The following GAD1 variants were observed in gnomAD, a reference collection of about 807,000 sequenced individuals.
GAD1 encodes glutamate decarboxylase 1.
A neutral mutation model predicts 75.2 loss-of-function variants in GAD1; 35 were observed. That is an observed-to-expected ratio of 0.47 (90% CI 0.36 to 0.62). The LOEUF (loss-of-function observed/expected upper bound fraction) is 0.62, where lower values mean the gene tolerates loss of function less well. Ranked by LOEUF, GAD1 falls within the 20% of genes least tolerant of loss-of-function variation. The probability of loss-of-function intolerance (pLI) is 0.00; values close to 1 mark genes in which losing one functional copy is unlikely to be tolerated. For missense variants in GAD1, 490 were observed against 758.5 expected, an observed-to-expected ratio of 0.65 and a Z score of 4.16; for synonymous variants, 257 against 271.9, an observed-to-expected ratio of 0.95 and a Z score of 0.54.
In GAD1 at chr2:170,818,458, C is replaced by T; in HGVS notation, c.-63-71C>T. On this transcript the variant is annotated intron_variant, in intron 1 of 16. Coordinates refer to ENST00000358196, the MANE Select transcript of GAD1 (RefSeq NM_000817.3). The surrounding 1 kb of genome is among the most constrained non-coding windows in gnomAD (Gnocchi z 5.9). The stretch of plus-strand genomic sequence containing the variant: ...TCTTCAAGGGGAGCCTCCGTGCCCC[C>T]GGCTGCTCAGTCCCTCCGGTGTGCA... 3 of 823,424 alleles carry T rather than the reference C, an allele frequency of 3.6e-6. No individual in the cohort carries two copies. Among genetic ancestry groups the T allele is most frequent in the East Asian group, 4.9e-5 (2 of 40,686 alleles). The allele number at this position is 823,424 out of a possible 1,614,324, so 51.0% of individuals were successfully genotyped here. A position where few individuals can be genotyped will look rare whatever the true frequency, so the allele number is the denominator to read the frequency against.
intron 3 of GAD1, among the ~76,000 whole-genome samples, chr2:170,824,602 C>G (rs1304668067): frequency 1.3e-5 from 2 of 152,076 alleles, no homozygotes; most frequent in Admixed American, 1.3e-4. Flanking sequence ...AATTCAACCC[C>G]CACCCACTCT....
chr2:170,847,771 T>A lies in GAD1; in HGVS notation c.1098T>A (p.Tyr366Ter), dbSNP rs559356309. 1 of 1,613,174 alleles carries A rather than the reference T, an allele frequency of 6.2e-7. No homozygotes were observed. The highest frequency in any genetic ancestry group is 2.2e-5 in the East Asian group (1 of 44,880). Residue 366 changes from tyrosine (Y) to a stop codon, truncating the protein, a stop_gained, in exon 11 of 17, where the codon TAT (tyrosine) becomes TAA (stop). Transcript: ENST00000358196. LOFTEE classifies it high-confidence loss of function. ...AGATTGCAGATATATGTGAGAAATA[T>A]AACCTTTGGTTGCATGTCGATGTAA... ...IQEIADICEK[Y>*]NLWLHVDAAW...
intron 11 of GAD1, 175 bp from the exon 12 acceptor site, chr2:170,849,111 A>G: frequency 1.5e-6 from 1 of 684,704 alleles, no homozygotes; most frequent in South Asian, 1.6e-5. Flanking sequence ...AGAAATGACA[A>G]GCAATGAAGA....
rs537839451 is a variant in GAD1 at position 170,823,900 on chromosome 2, C to T, written c.145+1751C>T. Among the ~76,000 whole-genome samples the T allele has an allele frequency of 3.3e-5, 5 of 152,334 alleles. No homozygotes were observed. The South Asian group carries it at 6.2e-4, about 19-fold the overall frequency. On this transcript the variant is annotated intron_variant, in intron 3 of 16. Transcript: ENST00000358196. ...CCCTCATTCACCCCCATCCTGCCCC[C>T]TGCTGTCCCCTGCTCCTCTGGCTGC...
intron 11 of GAD1, chr2:170,848,709 T>C (rs771122756): frequency 2.7e-5 from 14 of 518,434 alleles, no homozygotes; most frequent in South Asian, 9.8e-5. Context: ...AATTGGCCAA[T>C]AGGATCATCT....
chr2:170,854,258 CTCTTA>C (rs1469405073), intron 14 of GAD1, among the ~76,000 whole-genome samples: 1 of 152,080 alleles, frequency 6.6e-6, no homozygotes, highest in Non-Finnish European at 1.5e-5. Flanking sequence ...TTATAACGTT[CTCTTA>C]TAACAACTAA....
chr2:170,833,169 G>A (rs1364776445), intron 5 of GAD1, among the ~76,000 whole-genome samples: 1 of 152,200 alleles, frequency 6.6e-6, no homozygotes, highest in Non-Finnish European at 1.5e-5. Flanking sequence ...TTAAGACTGA[G>A]ACTAGGAGGC....
chr2:170,824,813 G>A (rs531371851), intron 3 of GAD1, among the ~76,000 whole-genome samples: 1 of 152,244 alleles, frequency 6.6e-6, no homozygotes, highest in African/African-American at 2.4e-5. Flanking sequence ...ATGAGTTGCA[G>A]GGATCCCTAA....
intron 5 of GAD1, among the ~76,000 whole-genome samples, chr2:170,832,651 TGCGCGCGC>T (rs764884035): frequency 2.2e-5 from 3 of 136,840 alleles, no homozygotes; most frequent in African/African-American, 8.0e-5. Flanking sequence ...CAGGCACACA[TGCGCGCGC>T]GCGCGCACAC....
intron 10 of GAD1, among the ~76,000 whole-genome samples, chr2:170,847,128 C>G (rs897884307): frequency 2.0e-5 from 3 of 152,194 alleles, no homozygotes; most frequent in African/African-American, 7.2e-5. Flanking sequence ...GTGAGTGTAT[C>G]AGCTTTCACA....
In GAD1 at chr2:170,831,126, C is replaced by A; in HGVS notation, c.481C>A (p.His161Asn). Reference sequence around the variant, plus strand: ...GGGCTTCAACTTGGAGCTCTCTGACCACCCCGAGTCCCTGGAGCAGATCCT... The same window carrying A: ...GGGCTTCAACTTGGAGCTCTCTGACAACCCCGAGTCCCTGGAGCAGATCCT... ...MEGFNLELSD[H>N]PESLEQILVD... The change falls in exon 5 of 17, where the codon CAC (histidine) becomes AAC (asparagine). Residue 161 changes from histidine to asparagine, a missense_variant. Physicochemically the swap from His to Asn is moderately conservative, Grantham distance 68 (BLOSUM62 1). Coordinates refer to ENST00000358196, the MANE Select transcript of GAD1 (RefSeq NM_000817.3). 6.2e-7 allele frequency: 1 copy of A among 1,614,158 alleles called. No individual in the cohort carries two copies. Among genetic ancestry groups the A allele is most frequent in the Non-Finnish European group, 8.5e-7 (1 of 1,180,028 alleles).
chr2:170,852,557 G>A, intron 12 of GAD1, 157 bp from the exon 13 acceptor site: 1 of 696,176 alleles, frequency 1.4e-6, no homozygotes, highest in Non-Finnish European at 2.6e-6. Flanking sequence ...CTCCGAGACT[G>A]CCTGCAAAAC....
intron 14 of GAD1, 111 bp from the exon 15 acceptor site, chr2:170,856,907 C>T (rs1702865004): frequency 3.5e-6 from 3 of 851,696 alleles, no homozygotes; most frequent in Non-Finnish European, 6.1e-6. Flanking sequence ...TCCTAACCAG[C>T]TCCAAAAATA....
At chr2:170,831,263 A>G in intron 5 of GAD1, 71 bp downstream of exon 5, 1 of 1,533,914 alleles carries the variant, frequency 6.5e-7, no homozygotes, top group Non-Finnish European at 9.0e-7. Context: ...AGTTGTGAGG[A>G]TATCAAACTT....
chr2:170,827,957 G>A lies in GAD1; in HGVS notation c.146-1518G>A, dbSNP rs757387170. 6.6e-5 allele frequency among the ~76,000 whole-genome samples: 10 copies of A among 152,096 alleles called. No individual in the cohort carries two copies. In the East Asian group the frequency reaches 7.7e-4, roughly 12 times the overall value. On this transcript the variant is annotated intron_variant, in intron 3 of 16. Transcript: ENST00000358196. Reference sequence around the variant, plus strand: ...TTGCATTCAGAAAAATACCACTTACGTTCAACCCTGTGAGCATTACCTGGT... The same window carrying A: ...TTGCATTCAGAAAAATACCACTTACATTCAACCCTGTGAGCATTACCTGGT...
intron 3 of GAD1, among the ~76,000 whole-genome samples, chr2:170,826,758 G>A (rs1702035149): frequency 6.6e-6 from 1 of 152,140 alleles, no homozygotes; most frequent in South Asian, 2.1e-4. Context: ...ACAACAGAGT[G>A]GAGGTTCAGC....
chr2:170,847,907 G>T, intron 11 of GAD1, 115 bp downstream of exon 11: 1 of 778,698 alleles, frequency 1.3e-6, no homozygotes. Flanking sequence ...CACCACATTA[G>T]TTCCAGTTCT....
chr2:170,857,632 G>A (rs1193552467), intron 15 of GAD1, among the ~76,000 whole-genome samples: 1 of 152,120 alleles, frequency 6.6e-6, no homozygotes, highest in African/African-American at 2.4e-5. Context: ...AAACGATAAA[G>A]TGGTTTTCAT....
chr2:170,828,146 T>C (rs1411384482), intron 3 of GAD1, among the ~76,000 whole-genome samples: 23 of 142,316 alleles, frequency 1.6e-4, no homozygotes, highest in African/African-American at 3.3e-4. Flanking sequence ...TCTGCTGTCC[T>C]CACCCTCCTC....
Sources: allele counts gnomAD v4.1 joint callset (sites outside exome capture counted in the v4.1 genomes callset), GRCh38; gene constraint gnomAD v4.1.1; non-coding constraint Gnocchi (gnomAD v3.1); transcripts MANE v1.5; gene names NCBI Gene and HGNC (gene_info 2026-07-23, HGNC 2026-07-21).